Variants in SND1 observed in about 807,000 individuals in gnomAD.
The protein encoded by SND1 is staphylococcal nuclease domain-containing protein 1.
Under a neutral mutation model 121.7 loss-of-function variants are expected in SND1, and 38 were observed. The ratio of observed to expected loss-of-function variants is 0.31; its 90% CI spans 0.24 to 0.41. The LOEUF (loss-of-function observed/expected upper bound fraction) is 0.41, where lower values mean the gene tolerates loss of function less well. Among genes scored for constraint, SND1 ranks in the 10% least tolerant of loss-of-function variants. SND1 has a pLI of 1.00. For synonymous variants in SND1, 401 were observed against 447.4 expected (o/e 0.90, Z 1.31); for missense variants, 868 against 1,184.6 (o/e 0.73, Z 3.92).
intron 1 of SND1, among the ~76,000 whole-genome samples, chr7:127,681,438 AT>A (rs1051056000): frequency 6.6e-6 from 1 of 151,996 alleles, no homozygotes; most frequent in Non-Finnish European, 1.5e-5. Flanking sequence ...ATATACTCAT[AT>A]TTTTTTCTTT....
chr7:127,816,454 C>T (rs1798442761), intron 11 of SND1, among the ~76,000 whole-genome samples: 1 of 152,104 alleles, frequency 6.6e-6, no homozygotes, highest in Non-Finnish European at 1.5e-5. Context: ...ATTTTTTCTG[C>T]AGCTTTGCCT....
chr7:127,951,801 T>C (rs1233560293), intron 15 of SND1, among the ~76,000 whole-genome samples: 1 of 152,184 alleles, frequency 6.6e-6, no homozygotes, highest in Non-Finnish European at 1.5e-5. Context: ...CAAGTGACCT[T>C]AGGTGTTGTC....
At chr7:127,773,776 A>G (rs1481337295) in intron 10 of SND1, among the ~76,000 whole-genome samples, 2 of 152,204 alleles carry the variant, frequency 1.3e-5, no homozygotes, top group East Asian at 1.9e-4. Flanking sequence ...TTAATTTTCT[A>G]CTTTAATGAA....
intron 5 of SND1, 150 bp downstream of exon 5, chr7:127,701,473 T>C (rs1427444494): frequency 1.3e-6 from 1 of 758,064 alleles, no homozygotes; most frequent in Admixed American, 3.0e-5. Context: ...AGCACCTTAG[T>C]ATTTCAGAAG....
intron 1 of SND1, among the ~76,000 whole-genome samples, chr7:127,671,837 G>T (rs11976946): frequency 6.6e-6 from 1 of 152,082 alleles, no homozygotes; most frequent in Non-Finnish European, 1.5e-5. Flanking sequence ...TCTTGTGCTA[G>T]GAATACTAGA....
At chr7:127,780,865 A>G (rs143748069) in intron 10 of SND1, among the ~76,000 whole-genome samples, 97 of 152,322 alleles carry the variant, frequency 6.4e-4, no homozygotes, top group African/African-American at 2.2e-3. Flanking sequence ...TTAGTTGCCT[A>G]AGGTGTCCTA....
chr7:127,895,895 C>A (rs968385478), intron 13 of SND1, among the ~76,000 whole-genome samples: 11 of 152,062 alleles, frequency 7.2e-5, no homozygotes, highest in Non-Finnish European at 1.6e-4. Flanking sequence ...TCCCTCCCCA[C>A]CCCTAGTTCC....
At chr7:127,967,318 T>G (rs1801876320) in intron 15 of SND1, among the ~76,000 whole-genome samples, 1 of 152,232 alleles carries the variant, frequency 6.6e-6, no homozygotes, top group South Asian at 2.1e-4. Context: ...GCCACCTTGA[T>G]GCTTCATGCA....
intron 1 of SND1, among the ~76,000 whole-genome samples, chr7:127,656,291 GTTTC>G (rs1354190720): frequency 1.3e-5 from 2 of 149,450 alleles, no homozygotes; most frequent in Non-Finnish European, 3.0e-5. Flanking sequence ...TGTTTCTTAG[GTTTC>G]TTTCTTTTTC....
chr7:127,843,881 T>C (rs1799009367), intron 11 of SND1, among the ~76,000 whole-genome samples: 1 of 152,250 alleles, frequency 6.6e-6, no homozygotes, highest in Non-Finnish European at 1.5e-5. Flanking sequence ...TTGCTCCACA[T>C]CCTTGCCTGC....
chr7:127,947,497 G>A (rs77001290), intron 15 of SND1, among the ~76,000 whole-genome samples: 1,886 of 152,226 alleles, frequency 0.012, 21 homozygotes, highest in Non-Finnish European at 0.019. Context: ...CAGTGTTTTC[G>A]TGGTGAACTA....
chr7:127,989,560 C>T (rs939884151), intron 15 of SND1, among the ~76,000 whole-genome samples: 2 of 152,092 alleles, frequency 1.3e-5, no homozygotes, highest in Non-Finnish European at 2.9e-5. Flanking sequence ...TTGCCATCAC[C>T]GAGACACCCT....
In SND1 at chr7:127,900,092, C is replaced by A. The variant is rs1448472276; in HGVS notation, c.1455-4655C>A. ...ATCTCTTTCATGTATGAAAGTAGTT[C>A]TTTTTGTAAAACTCTGTTGAAAGCT... On this transcript the variant is annotated intron_variant, in intron 13 of 23. Transcript: ENST00000354725. Among the ~76,000 whole-genome samples the A allele has an allele frequency of 5.9e-5, 9 of 152,154 alleles. No individual in the cohort carries two copies. The East Asian group carries it at 1.7e-3, about 29-fold the overall frequency.
At chr7:127,665,479 G>A (rs1023643482) in intron 1 of SND1, among the ~76,000 whole-genome samples, 2 of 152,050 alleles carry the variant, frequency 1.3e-5, no homozygotes, top group Admixed American at 6.5e-5. Flanking sequence ...GAGACACCGC[G>A]CCCGGCCGAC....
At chr7:128,030,564 G>T in intron 16 of SND1, 1 of 1,611,508 alleles carries the variant, frequency 6.2e-7, no homozygotes, top group Non-Finnish European at 8.5e-7. Context: ...CCACACTTGC[G>T]CCGTGAGGTA....
At chr7:128,043,704 G>A (rs1294409545) in intron 16 of SND1, among the ~76,000 whole-genome samples, 1 of 151,518 alleles carries the variant, frequency 6.6e-6, no homozygotes, top group Non-Finnish European at 1.5e-5. Flanking sequence ...TTACCTTGCA[G>A]CTACCAGATG....
chr7:128,082,594 C>T (rs1283025192), intron 18 of SND1, among the ~76,000 whole-genome samples: 1 of 152,204 alleles, frequency 6.6e-6, no homozygotes, highest in Non-Finnish European at 1.5e-5. Context: ...ATTAGGTTCT[C>T]TTGAGGTCAG....
chr7:127,731,192 G>A (rs1796669797), intron 10 of SND1, among the ~76,000 whole-genome samples: 2 of 152,214 alleles, frequency 1.3e-5, no homozygotes, highest in South Asian at 4.1e-4. Flanking sequence ...GATTCTGGTT[G>A]GACCCCCTTT....
intron 10 of SND1, among the ~76,000 whole-genome samples, chr7:127,788,121 C>T (rs561150578): frequency 2.0e-5 from 3 of 152,266 alleles, no homozygotes; most frequent in African/African-American, 4.8e-5. Flanking sequence ...ATTTACAGGC[C>T]GATGGGCATT....
Sources: allele counts gnomAD v4.1 joint callset (sites outside exome capture counted in the v4.1 genomes callset), GRCh38; gene constraint gnomAD v4.1.1; transcripts MANE v1.5; gene names NCBI Gene and HGNC (gene_info 2026-07-23, HGNC 2026-07-21).